Variants in DOCK4 observed in about 807,000 individuals in gnomAD.
DOCK4 encodes dedicator of cytokinesis protein 4.
A neutral mutation model predicts 268.1 loss-of-function variants in DOCK4; 97 were observed. The observed-to-expected ratio is 0.36, with a 90% CI of 0.31 to 0.43. The LOEUF (loss-of-function observed/expected upper bound fraction) is 0.43, where lower values mean the gene tolerates loss of function less well. DOCK4 is among the 20% of genes least tolerant of loss of function. DOCK4 has a pLI of 1.00. For synonymous variants in DOCK4, 954 were observed against 887.2 expected (o/e 1.08, Z -1.34); for missense variants, 2,145 against 2,455.7 (o/e 0.87, Z 2.67).
At chr7:111,970,936 A>C (rs1344172729) in intron 8 of DOCK4, among the ~76,000 whole-genome samples, 2 of 152,202 alleles carry the variant, frequency 1.3e-5, no homozygotes, top group African/African-American at 4.8e-5. Flanking sequence ...ATTGTTTAGA[A>C]ACAAAAGTAA....
chr7:111,847,393 A>T (rs1259565320), intron 23 of DOCK4, among the ~76,000 whole-genome samples: 2 of 151,986 alleles, frequency 1.3e-5, no homozygotes, highest in Non-Finnish European at 2.9e-5. Flanking sequence ...TCTAAATTAC[A>T]TGCTTCTCTT....
intron 27 of DOCK4, among the ~76,000 whole-genome samples, chr7:111,814,382 C>T (rs1471624912): frequency 6.6e-6 from 1 of 152,118 alleles, no homozygotes; most frequent in Non-Finnish European, 1.5e-5. Context: ...TGGGTCACAT[C>T]GCCAGAGACT....
chr7:112,144,742 T>C (rs1815279233), intron 1 of DOCK4, among the ~76,000 whole-genome samples: 1 of 152,156 alleles, frequency 6.6e-6, no homozygotes, highest in South Asian at 2.1e-4. Flanking sequence ...CATCTTTCTA[T>C]CAGAGGTATC....
intron 30 of DOCK4, among the ~76,000 whole-genome samples, chr7:111,801,360 T>C (rs1563523670): frequency 1.3e-5 from 2 of 152,236 alleles, no homozygotes; most frequent in African/African-American, 2.4e-5. Flanking sequence ...TCTGTCTCTG[T>C]ACAAGGGAGC....
intron 1 of DOCK4, among the ~76,000 whole-genome samples, chr7:112,154,764 T>C (rs761622416): frequency 1.2e-4 from 19 of 152,140 alleles, no homozygotes; most frequent in African/African-American, 4.6e-4. Context: ...CTCAAGGTAT[T>C]TTTCATCATG....
chr7:111,850,408 A>G (rs1254049001), intron 23 of DOCK4, among the ~76,000 whole-genome samples: 1 of 151,922 alleles, frequency 6.6e-6, no homozygotes, highest in Non-Finnish European at 1.5e-5. Context: ...AATTCAGCCC[A>G]ATCTTTCTCC....
chr7:112,103,266 A>G (rs1669396229), intron 1 of DOCK4, among the ~76,000 whole-genome samples: 1 of 152,180 alleles, frequency 6.6e-6, no homozygotes, highest in Non-Finnish European at 1.5e-5. Context: ...CCAAACTTGG[A>G]GAGCAAATGC....
chr7:112,122,624 G>C (rs1812838663), intron 1 of DOCK4, among the ~76,000 whole-genome samples: 1 of 152,154 alleles, frequency 6.6e-6, no homozygotes, highest in African/African-American at 2.4e-5. Flanking sequence ...CTCAATCTGA[G>C]TTTTAACCCT....
intron 22 of DOCK4, among the ~76,000 whole-genome samples, chr7:111,866,746 A>AT (rs1205417865): frequency 1.3e-5 from 2 of 152,190 alleles, no homozygotes; most frequent in South Asian, 2.1e-4. Context: ...GTAAGAAAAT[A>AT]TTTTTCAGGT....
intron 1 of DOCK4, among the ~76,000 whole-genome samples, chr7:112,184,507 C>T (rs1353121658): frequency 2.0e-5 from 3 of 152,272 alleles, no homozygotes; most frequent in Admixed American, 6.5e-5. Flanking sequence ...TATTCTGCAA[C>T]TTGTCATTCA....
chr7:112,007,656 C>A (rs1237902845), intron 1 of DOCK4, among the ~76,000 whole-genome samples: 1 of 150,794 alleles, frequency 6.6e-6, no homozygotes, highest in African/African-American at 2.4e-5. Flanking sequence ...AGGTAAAGAG[C>A]GAAGAATTTG....
At chr7:111,940,982 A>T (rs1795156671) in intron 10 of DOCK4, among the ~76,000 whole-genome samples, 1 of 152,210 alleles carries the variant, frequency 6.6e-6, no homozygotes, top group African/African-American at 2.4e-5. Context: ...ACACAACCAT[A>T]AATTGTTTCT....
At chr7:112,061,468 T>C (rs1031386920) in intron 1 of DOCK4, among the ~76,000 whole-genome samples, 1 of 152,114 alleles carries the variant, frequency 6.6e-6, no homozygotes, top group Non-Finnish European at 1.5e-5. Flanking sequence ...AGGAGCAAGA[T>C]ACAAACCAGG....
chr7:111,921,889 A>G (rs1429806669), intron 12 of DOCK4, among the ~76,000 whole-genome samples: 1 of 152,210 alleles, frequency 6.6e-6, no homozygotes, highest in Admixed American at 6.5e-5. Flanking sequence ...TATAGAAATA[A>G]AATATTTCTT....
chr7:111,970,852 T>C (rs913208752), intron 8 of DOCK4, among the ~76,000 whole-genome samples: 1 of 152,130 alleles, frequency 6.6e-6, no homozygotes, highest in African/African-American at 2.4e-5. Context: ...CCTCAATCTT[T>C]AGTCACTGTG....
chr7:111,934,974 T>A (rs893073746), intron 12 of DOCK4, among the ~76,000 whole-genome samples: 2 of 151,202 alleles, frequency 1.3e-5, no homozygotes, highest in Non-Finnish European at 2.9e-5. Context: ...TGAGACAGAG[T>A]CTTACTGTGT....
At chr7:111,836,154 T>A (rs1285573956) in intron 25 of DOCK4, among the ~76,000 whole-genome samples, 1 of 151,570 alleles carries the variant, frequency 6.6e-6, no homozygotes, top group Non-Finnish European at 1.5e-5. Flanking sequence ...TCTAGAAGGA[T>A]TGAGAGAACA....
chr7:112,123,178 G>A (rs547466036), intron 1 of DOCK4, among the ~76,000 whole-genome samples: 58 of 152,346 alleles, frequency 3.8e-4, no homozygotes, highest in African/African-American at 1.3e-3. Context: ...TTGGGAAAAT[G>A]TCCATTCAGG....
chr7:112,069,682 A>T (rs1329324008), intron 1 of DOCK4, among the ~76,000 whole-genome samples: 1 of 152,206 alleles, frequency 6.6e-6, no homozygotes, highest in African/African-American at 2.4e-5. Flanking sequence ...TGGTGGATAT[A>T]CGGTGACAAG....
Sources: gnomAD v4.1 joint callset for allele counts (sites outside exome capture counted in the v4.1 genomes callset) on GRCh38, gnomAD v4.1.1 for gene constraint, MANE v1.5 for transcripts, NCBI Gene and HGNC (gene_info 2026-07-23, HGNC 2026-07-21) for gene names.